MITF: variants seen among roughly 807,000 people sequenced by gnomAD.
MITF encodes the protein melanocyte inducing transcription factor.
In MITF, 17 loss-of-function variants were observed where a neutral mutation model predicts 60.5. That is an observed-to-expected ratio of 0.28 (90% CI 0.19 to 0.42). The LOEUF (loss-of-function observed/expected upper bound fraction) is 0.42. MITF is among the 10% of genes least tolerant of loss of function. The probability of loss-of-function intolerance (pLI) is 1.00; values close to 1 mark genes in which losing one functional copy is unlikely to be tolerated. For synonymous variants in MITF, 260 were observed against 248.5 expected, an observed-to-expected ratio of 1.05 and a Z score of -0.43; for missense variants, 622 against 683.5, an observed-to-expected ratio of 0.91 and a Z score of 1.00.
chr3:69,835,957 T>C (rs1044618557), intron 1 of MITF, among the ~76,000 whole-genome samples: 1 of 152,196 alleles, frequency 6.6e-6, no homozygotes, highest in East Asian at 1.9e-4. Flanking sequence ...CTATTCTGGG[T>C]TTTTTTGTGA....
chr3:69,939,331 C>T (rs2065918210), intron 4 of MITF, 150 bp downstream of exon 4: 3 of 693,196 alleles, frequency 4.3e-6, no homozygotes, highest in Admixed American at 2.7e-5. Flanking sequence ...TGCCATTTTC[C>T]TCATAGTATC....
At chr3:69,959,559 G>T in intron 9 of MITF, 139 bp downstream of exon 9, 1 of 1,152,468 alleles carries the variant, frequency 8.7e-7, no homozygotes. Context: ...GATTCTGTGT[G>T]TGTGAATTTG....
At chr3:69,793,504 C>G (rs1373394636) in intron 1 of MITF, among the ~76,000 whole-genome samples, 2 of 151,896 alleles carry the variant, frequency 1.3e-5, no homozygotes, top group African/African-American at 4.8e-5. Flanking sequence ...ATGCTCATAG[C>G]ATGCACCCTC....
intron 1 of MITF, chr3:69,763,978 A>T: frequency 7.6e-7 from 1 of 1,324,122 alleles, no homozygotes; most frequent in East Asian, 4.2e-5. Flanking sequence ...CTCAGTTTAC[A>T]GGTTCTTATA....
intron 2 of MITF, among the ~76,000 whole-genome samples, chr3:69,902,554 A>T (rs1301303645): frequency 6.6e-6 from 1 of 152,208 alleles, no homozygotes; most frequent in Non-Finnish European, 1.5e-5. Flanking sequence ...GTTCCTCCAC[A>T]TGAAGGGATA....
At chr3:69,943,720 T>G (rs1258274161) in intron 5 of MITF, among the ~76,000 whole-genome samples, 1 of 152,132 alleles carries the variant, frequency 6.6e-6, no homozygotes, top group African/African-American at 2.4e-5. Flanking sequence ...GGTCCCAGTT[T>G]GCTTCATGGA....
At chr3:69,920,301 G>A (rs1056522995) in intron 2 of MITF, among the ~76,000 whole-genome samples, 2 of 152,044 alleles carry the variant, frequency 1.3e-5, no homozygotes, top group South Asian at 2.1e-4. Context: ...TAGCAGACAG[G>A]GAAAGGGAGT....
chr3:69,815,512 A>G (rs2063167683), intron 1 of MITF, among the ~76,000 whole-genome samples: 1 of 152,048 alleles, frequency 6.6e-6, no homozygotes, highest in African/African-American at 2.4e-5. Flanking sequence ...CTTTCTTGTG[A>G]TTTTCTTAAT....
chr3:69,746,660 T>A (rs536202977), intron 1 of MITF, among the ~76,000 whole-genome samples: 136 of 152,312 alleles, frequency 8.9e-4, no homozygotes, highest in Non-Finnish European at 1.5e-3. Context: ...TCAAAGATAT[T>A]AAATGCAGCC....
intron 1 of MITF, among the ~76,000 whole-genome samples, chr3:69,826,952 A>T (rs145264887): frequency 6.6e-6 from 1 of 152,064 alleles, no homozygotes; most frequent in Admixed American, 6.6e-5. Flanking sequence ...CTCTGCCACA[A>T]TTATTACCTG....
chr3:69,903,329 T>C (rs1249223519), intron 2 of MITF, among the ~76,000 whole-genome samples: 1 of 152,174 alleles, frequency 6.6e-6, no homozygotes, highest in East Asian at 1.9e-4. Flanking sequence ...CACAGCCTAG[T>C]TTAGAACATT....
chr3:69,901,012 C>CA (rs199630541), intron 2 of MITF, among the ~76,000 whole-genome samples: 2,338 of 151,298 alleles, frequency 0.015, 24 homozygotes, highest in Middle Eastern at 0.048. Flanking sequence ...CAAAACAAAA[C>CA]AAAAAAAACC....
At chr3:69,761,587 T>C (rs1381329945) in intron 1 of MITF, among the ~76,000 whole-genome samples, 1 of 152,166 alleles carries the variant, frequency 6.6e-6, no homozygotes, top group Non-Finnish European at 1.5e-5. Flanking sequence ...CTAGGTTTCT[T>C]ATGAAGTAAA....
chr3:69,841,468 G>T (rs908883751), intron 1 of MITF, among the ~76,000 whole-genome samples: 5 of 152,180 alleles, frequency 3.3e-5, no homozygotes, highest in African/African-American at 1.2e-4. Flanking sequence ...TCTTTTCTGA[G>T]TGTGCTATTT....
intron 2 of MITF, among the ~76,000 whole-genome samples, chr3:69,934,457 C>CA (rs565406525): frequency 5.9e-5 from 9 of 152,056 alleles, no homozygotes; most frequent in Non-Finnish European, 8.8e-5. Context: ...GATCCTAAGA[C>CA]AAAAATGTTT....
intron 2 of MITF, chr3:69,936,688 T>A (rs2065842851): frequency 6.2e-7 from 1 of 1,613,028 alleles, no homozygotes; most frequent in Non-Finnish European, 8.5e-7. Flanking sequence ...TAGTCTACCG[T>A]CTCTCACTGG....
At chr3:69,859,980 A>G (rs552631110) in intron 1 of MITF, among the ~76,000 whole-genome samples, 1 of 152,292 alleles carries the variant, frequency 6.6e-6, no homozygotes, top group Non-Finnish European at 1.5e-5. Flanking sequence ...TTACCTTGAT[A>G]AGATAGTAAA....
intron 2 of MITF, among the ~76,000 whole-genome samples, chr3:69,923,419 A>G (rs907848302): frequency 2.6e-5 from 4 of 152,164 alleles, no homozygotes; most frequent in Non-Finnish European, 5.9e-5. Context: ...ATCTTGGCTC[A>G]TTGCAACCTC....
At chr3:69,756,365 T>G (rs1285499809) in intron 1 of MITF, among the ~76,000 whole-genome samples, 1 of 152,306 alleles carries the variant, frequency 6.6e-6, no homozygotes, top group Middle Eastern at 3.4e-3. Flanking sequence ...CTCCCACTTA[T>G]GAGTGAGAAC....
Sources: allele counts gnomAD v4.1 joint callset (sites outside exome capture counted in the v4.1 genomes callset), GRCh38; gene constraint gnomAD v4.1.1; transcripts MANE v1.5; gene names NCBI Gene and HGNC (gene_info 2026-07-23, HGNC 2026-07-21).